CNNM2: variants seen among roughly 807,000 people sequenced by gnomAD.
The protein encoded by CNNM2 is cyclin and CBS domain divalent metal cation transport mediator 2.
A neutral mutation model predicts 66.9 loss-of-function variants in CNNM2; 12 were observed. The ratio of observed to expected loss-of-function variants is 0.18; its 90% CI spans 0.11 to 0.29. The LOEUF (loss-of-function observed/expected upper bound fraction) is 0.29. Among genes scored for constraint, CNNM2 ranks in the 10% least tolerant of loss-of-function variants. The probability of loss-of-function intolerance (pLI) is 1.00; values close to 1 mark genes in which losing one functional copy is unlikely to be tolerated. For synonymous variants in CNNM2, 557 were observed against 501.8 expected, an observed-to-expected ratio of 1.11 and a Z score of -1.47; for missense variants, 705 against 1,167.7, an observed-to-expected ratio of 0.60 and a Z score of 5.77.
intron 1 of CNNM2, among the ~76,000 whole-genome samples, chr10:102,934,578 G>A (rs1846170846): frequency 6.6e-6 from 1 of 152,116 alleles, no homozygotes; most frequent in African/African-American, 2.4e-5. Context: ...ACCGCGCCCA[G>A]CCTGAGCCAC....
intron 1 of CNNM2, among the ~76,000 whole-genome samples, chr10:102,991,779 T>C (rs1224505688): frequency 6.6e-6 from 1 of 152,228 alleles, no homozygotes; most frequent in African/African-American, 2.4e-5. Flanking sequence ...TGCAATTACC[T>C]GAGCCTTGGT....
intron 1 of CNNM2, among the ~76,000 whole-genome samples, chr10:102,998,189 T>C (rs1308145388): frequency 1.3e-5 from 2 of 152,222 alleles, no homozygotes; most frequent in Non-Finnish European, 2.9e-5. Context: ...ATGCAAATAA[T>C]GACTTCAGGC....
At chr10:103,071,697 C>T (rs1293537387) in intron 5 of CNNM2, 77 bp from the exon 6 acceptor site, 5 of 1,085,428 alleles carry the variant, frequency 4.6e-6, no homozygotes, top group Non-Finnish European at 5.7e-6. Context: ...ACAAGTATCC[C>T]CTCCTGTCCC....
At chr10:103,024,626 G>A (rs371350667) in intron 1 of CNNM2, among the ~76,000 whole-genome samples, 2 of 151,950 alleles carry the variant, frequency 1.3e-5, no homozygotes, top group East Asian at 1.9e-4. Flanking sequence ...CTGCAGGTGC[G>A]TGCCACCATG....
intron 1 of CNNM2, among the ~76,000 whole-genome samples, chr10:102,963,825 A>G (rs1357334687): frequency 2.0e-5 from 3 of 152,232 alleles, no homozygotes; most frequent in Non-Finnish European, 2.9e-5. Flanking sequence ...TTTTTAATAC[A>G]AACTTGAGGT....
At chr10:103,042,212 C>T (rs1362508128) in intron 1 of CNNM2, among the ~76,000 whole-genome samples, 4 of 152,224 alleles carry the variant, frequency 2.6e-5, no homozygotes, top group Non-Finnish European at 1.5e-5. Flanking sequence ...CCTGCTGGCT[C>T]TTTCTGAAAC....
At chr10:103,070,950 GA>G (rs757419202) in intron 5 of CNNM2, among the ~76,000 whole-genome samples, 2 of 152,094 alleles carry the variant, frequency 1.3e-5, no homozygotes, top group Non-Finnish European at 2.9e-5. Context: ...AGCGGGGGGG[GA>G]ATTTCATTAA....
chr10:103,064,104 A>G (rs926443829), intron 4 of CNNM2, among the ~76,000 whole-genome samples: 1 of 152,200 alleles, frequency 6.6e-6, no homozygotes, highest in Non-Finnish European at 1.5e-5. Flanking sequence ...GAGTCATAGA[A>G]TGCTATTATA....
At chr10:102,974,606 C>T (rs2063595306) in intron 1 of CNNM2, among the ~76,000 whole-genome samples, 1 of 152,004 alleles carries the variant, frequency 6.6e-6, no homozygotes, top group Non-Finnish European at 1.5e-5. Context: ...GGGTCTTGCC[C>T]TGTAGCCCAG....
chr10:102,997,063 G>A (rs1353347315), intron 1 of CNNM2, among the ~76,000 whole-genome samples: 1 of 152,152 alleles, frequency 6.6e-6, no homozygotes, highest in African/African-American at 2.4e-5. Context: ...CATACTCCCT[G>A]ATTTTGATGA....
intron 1 of CNNM2, among the ~76,000 whole-genome samples, chr10:103,025,588 G>A (rs1376209878): frequency 2.6e-5 from 4 of 152,176 alleles, no homozygotes; most frequent in African/African-American, 9.7e-5. Flanking sequence ...TCTGAAGTAG[G>A]ACCCAGGCAT....
chr10:103,064,639 G>C (rs886730295), intron 4 of CNNM2, among the ~76,000 whole-genome samples: 2 of 152,190 alleles, frequency 1.3e-5, no homozygotes, highest in Non-Finnish European at 2.9e-5. Flanking sequence ...AGGAGTTCAA[G>C]ACCAGCCTGG....
intron 1 of CNNM2, among the ~76,000 whole-genome samples, chr10:103,000,854 C>T (rs550685664): frequency 6.6e-6 from 1 of 152,336 alleles, no homozygotes; most frequent in Admixed American, 6.5e-5. Context: ...GCTGGGATTG[C>T]AGGCATGAGC....
At chr10:102,949,506 G>A (rs949531919) in intron 1 of CNNM2, among the ~76,000 whole-genome samples, 7 of 151,762 alleles carry the variant, frequency 4.6e-5, no homozygotes, top group Middle Eastern at 3.4e-3. Context: ...TCTAGTGGCC[G>A]GGCACAGTGG....
intron 1 of CNNM2, among the ~76,000 whole-genome samples, chr10:102,922,353 T>A (rs568764523): frequency 6.6e-6 from 1 of 152,342 alleles, no homozygotes; most frequent in South Asian, 2.1e-4. Flanking sequence ...TCAGTTTGGT[T>A]ACTTTAACCT....
intron 1 of CNNM2, among the ~76,000 whole-genome samples, chr10:102,946,636 A>G (rs1409132313): frequency 6.6e-6 from 1 of 152,142 alleles, no homozygotes; most frequent in African/African-American, 2.4e-5. Flanking sequence ...CTCCTAGGTT[A>G]AACAGGGTAA....
Position 103,009,939 on chromosome 10 carries a change from CTT to C in CNNM2, c.1622-39756_1622-39755del, listed in dbSNP as rs10572558. 0.31 allele frequency among the ~76,000 whole-genome samples: 46,152 copies of C among 146,954 alleles called. 7,180 individuals carry two copies. Among genetic ancestry groups the C allele is most frequent in the Middle Eastern group, 0.38 (106 of 282 alleles). ...ACATGCAAATGGAGGAAATTTAAGA[CTT>C]TTTTTTTTTTTCACAATTAGAGACA... On this transcript the variant is annotated intron_variant, in intron 1 of 7. Coordinates refer to ENST00000369878, the MANE Select transcript of CNNM2 (RefSeq NM_017649.5).
chr10:103,004,616 A>G (rs2064190487), intron 1 of CNNM2, among the ~76,000 whole-genome samples: 1 of 152,198 alleles, frequency 6.6e-6, no homozygotes, highest in African/African-American at 2.4e-5. Flanking sequence ...TGTGGACCAC[A>G]CTTTGAGTAT....
chr10:103,069,884 G>C (rs187948128), intron 5 of CNNM2, among the ~76,000 whole-genome samples: 1 of 152,330 alleles, frequency 6.6e-6, no homozygotes, highest in Non-Finnish European at 1.5e-5. Flanking sequence ...CATTTTAAAA[G>C]AATTCCTGAA....
Sources: gnomAD v4.1 joint callset for allele counts (sites outside exome capture counted in the v4.1 genomes callset) on GRCh38, gnomAD v4.1.1 for gene constraint, MANE v1.5 for transcripts, NCBI Gene and HGNC (gene_info 2026-07-23, HGNC 2026-07-21) for gene names.